RNF144A: variants seen among roughly 807,000 people sequenced by gnomAD.
The protein encoded by RNF144A is E3 ubiquitin-protein ligase RNF144A.
A neutral mutation model predicts 38.7 loss-of-function variants in RNF144A; 11 were observed. The observed-to-expected ratio is 0.28, with a 90% confidence interval of 0.18 to 0.47. The LOEUF (loss-of-function observed/expected upper bound fraction) is 0.47, where lower values mean the gene tolerates loss of function less well. Ranked by LOEUF, RNF144A falls within the 20% of genes least tolerant of loss-of-function variation. The pLI, the probability that RNF144A is intolerant of heterozygous loss-of-function variation, is 0.99. For missense variants in RNF144A, 316 were observed against 377.2 expected (o/e 0.84, Z 1.34); for synonymous variants, 149 against 143.9 (o/e 1.04, Z -0.25).
chr2:7,017,787 C>T (rs996044131), intron 5 of RNF144A, among the ~76,000 whole-genome samples: 8 of 152,122 alleles, frequency 5.3e-5, no homozygotes, highest in Non-Finnish European at 1.0e-4. Context: ...ACATCTACGC[C>T]TCAGCCTGGG....
chr2:6,983,534 C>T lies in RNF144A; in HGVS notation c.-11-13382C>T, dbSNP rs538100582. 3.2e-4 allele frequency among the ~76,000 whole-genome samples: 49 copies of T among 152,290 alleles called. 1 individual carries two copies. The South Asian group carries it at 6.2e-3, about 19-fold the overall frequency. ...TTTCTGATGGCAGAGGATGCTAGAG[C>T]GCTACTTATTCTTATGCAGATCTTA... is the stretch of plus-strand genomic sequence containing the variant. On this transcript the variant is annotated intron_variant, in intron 2 of 8. Coordinates refer to ENST00000320892, the MANE Select transcript of RNF144A (RefSeq NM_014746.6).
In RNF144A at chr2:7,042,640, C is replaced by T; in HGVS notation, c.*2880C>T. ...GGAAATGCCTGACCTCTCAGTCTGG[C>T]TCTGCTGTGTAGTCCATAGCCCAGC... is the stretch of plus-strand genomic sequence containing the variant. On this transcript the variant is annotated 3_prime_UTR_variant, in exon 9 of 9. Transcript: ENST00000320892. 2 of 985,556 alleles carry T rather than the reference C, an allele frequency of 2.0e-6. No individual in the cohort carries two copies. The highest frequency in any genetic ancestry group is 2.4e-6 in the Non-Finnish European group (2 of 830,030). The allele number at this position is 985,556 out of a possible 1,614,324, so 61.1% of individuals were successfully genotyped here. A position where few individuals can be genotyped will look rare whatever the true frequency, so the allele number is the denominator to read the frequency against.
chr2:6,939,807 C>A (rs1376294428), intron 1 of RNF144A, among the ~76,000 whole-genome samples: 1 of 151,502 alleles, frequency 6.6e-6, no homozygotes, highest in Non-Finnish European at 1.5e-5. Flanking sequence ...AAAAAAAAAA[C>A]ACTATCATTT....
intron 3 of RNF144A, among the ~76,000 whole-genome samples, chr2:7,007,424 A>G (rs1478936386): frequency 6.6e-6 from 1 of 152,070 alleles, no homozygotes; most frequent in East Asian, 1.9e-4. Flanking sequence ...ATTGTCTCAC[A>G]CTCAGCCTCT....
chr2:6,997,310 A>G (rs1481085732), intron 3 of RNF144A, among the ~76,000 whole-genome samples: 1 of 152,224 alleles, frequency 6.6e-6, no homozygotes, highest in African/African-American at 2.4e-5. Context: ...GAAGCTCGTG[A>G]TAACAATTCA....
intron 2 of RNF144A, among the ~76,000 whole-genome samples, chr2:6,954,964 G>A (rs1358226205): frequency 6.6e-6 from 1 of 152,234 alleles, no homozygotes; most frequent in South Asian, 2.1e-4. Context: ...TTTTTAAAAA[G>A]ATAGTGTTAT....
chr2:6,972,364 A>G (rs2103348821), intron 2 of RNF144A, among the ~76,000 whole-genome samples: 1 of 152,216 alleles, frequency 6.6e-6, no homozygotes, highest in East Asian at 1.9e-4. Flanking sequence ...AGATTATATA[A>G]CTTCTTATGC....
chr2:7,014,633 G>A, intron 4 of RNF144A, 75 bp downstream of exon 4: 1 of 1,532,976 alleles, frequency 6.5e-7, no homozygotes, highest in Non-Finnish European at 9.0e-7. Context: ...AATAACGTGG[G>A]TTTTGTTTGG....
Position 7,043,415 on chromosome 2 carries a change from G to A in RNF144A, c.*3655G>A. On this transcript the variant is annotated 3_prime_UTR_variant, in exon 9 of 9. Coordinates refer to ENST00000320892, the MANE Select transcript of RNF144A (RefSeq NM_014746.6). Reference sequence around the variant, plus strand: ...TAGGGGATTGAAAGGATCCAGGATGGGCTTTGTGTGTGTGTCTCAGATTCT... The same window carrying A: ...TAGGGGATTGAAAGGATCCAGGATGAGCTTTGTGTGTGTGTCTCAGATTCT... The A allele has an allele frequency of 1.0e-6, 1 of 985,560 alleles. No individual in the cohort carries two copies. Among genetic ancestry groups the A allele is most frequent in the East Asian group, 1.1e-4 (1 of 8,808 alleles). The allele number at this position is 985,560 out of a possible 1,614,324, so 61.1% of individuals were successfully genotyped here.
chr2:7,020,271 A>G (rs1006615265), intron 5 of RNF144A, among the ~76,000 whole-genome samples: 3 of 152,054 alleles, frequency 2.0e-5, no homozygotes, highest in Non-Finnish European at 2.9e-5. Context: ...GGTCTGTTGC[A>G]TGAAGGGAGA....
chr2:7,021,015 A>C (rs1225210043), intron 6 of RNF144A, among the ~76,000 whole-genome samples: 2 of 152,126 alleles, frequency 1.3e-5, no homozygotes, highest in Non-Finnish European at 2.9e-5. Flanking sequence ...TTTCTGCAAG[A>C]CTTCACTGTG....
chr2:6,991,696 A>G (rs539525309), intron 2 of RNF144A, among the ~76,000 whole-genome samples: 1 of 152,334 alleles, frequency 6.6e-6, no homozygotes, highest in African/African-American at 2.4e-5. Flanking sequence ...CATTGTGCAG[A>G]GAAATGAAGT....
In RNF144A at chr2:7,054,569, C is replaced by A. The variant is rs142064854; in HGVS notation, c.735-13647C>A. Among the ~76,000 whole-genome samples, 406 of 152,286 alleles carry A rather than the reference C, an allele frequency of 2.7e-3. 1 individual carries two copies. The highest frequency in any genetic ancestry group is 0.016 in the South Asian group (77 of 4,830). On this transcript the variant is annotated intron_variant, in intron 6 of 6. Coordinates refer to the RNF144A transcript ENST00000432850. Reference sequence around the variant, plus strand: ...GGTGCTAGTACCTAAAGCTTTGTGCCACGGTCTGAATGTATGTGTTTCCCC... The same window carrying A: ...GGTGCTAGTACCTAAAGCTTTGTGCAACGGTCTGAATGTATGTGTTTCCCC...
intron 6 of RNF144A, among the ~76,000 whole-genome samples, chr2:7,066,173 C>T (rs150933959): frequency 0.021 from 3,245 of 152,128 alleles, 119 homozygotes; most frequent in African/African-American, 0.075. Context: ...CTACAAGCTC[C>T]GCCTCCTGGG....
At chr2:7,020,094 A>G (rs1671418810) in intron 5 of RNF144A, among the ~76,000 whole-genome samples, 1 of 152,164 alleles carries the variant, frequency 6.6e-6, no homozygotes, top group Non-Finnish European at 1.5e-5. Context: ...AGCTAGCGCC[A>G]TGTGCATTGC....
chr2:7,018,008 C>T (rs1047467051), intron 5 of RNF144A, among the ~76,000 whole-genome samples: 1 of 152,176 alleles, frequency 6.6e-6, no homozygotes, highest in Admixed American at 6.5e-5. Context: ...GTGTGCTATC[C>T]TGGGGGGCCT....
chr2:6,949,408 CTT>C (rs547352057), intron 2 of RNF144A, among the ~76,000 whole-genome samples: 5 of 130,456 alleles, frequency 3.8e-5, no homozygotes, highest in African/African-American at 8.2e-5. Context: ...TCCTTTCCTT[CTT>C]TTTTTTTTTT....
At chr2:6,987,337 C>T (rs1203964087) in intron 2 of RNF144A, among the ~76,000 whole-genome samples, 3 of 152,116 alleles carry the variant, frequency 2.0e-5, no homozygotes. Context: ...GGATGCTTCT[C>T]TAAGGTCATT....
At chr2:7,067,544 T>A (rs1347854224) in intron 6 of RNF144A, among the ~76,000 whole-genome samples, 1 of 152,076 alleles carries the variant, frequency 6.6e-6, no homozygotes, top group African/African-American at 2.4e-5. Flanking sequence ...ATTAAAAAAA[T>A]CCCCTCATTA....
Sources: gnomAD v4.1 joint callset for allele counts (sites outside exome capture counted in the v4.1 genomes callset) on GRCh38, gnomAD v4.1.1 for gene constraint, MANE v1.5 for transcripts, NCBI Gene and HGNC (gene_info 2026-07-23, HGNC 2026-07-21) for gene names.